The following ERC2 variants were observed in gnomAD, a reference collection of about 807,000 sequenced individuals.
The protein encoded by ERC2 is ELKS/RAB6-interacting/CAST family member 2, also known as ERC protein 2.
Under a neutral mutation model 114.8 loss-of-function variants are expected in ERC2, and 42 were observed. That is an observed-to-expected ratio of 0.37 (90% confidence interval 0.29 to 0.47). ERC2 has a LOEUF of 0.47. ERC2 is among the 20% of genes least tolerant of loss of function. ERC2 has a pLI of 0.99. For missense variants in ERC2, 939 were observed against 1,150.7 expected (o/e 0.82, Z 2.66); for synonymous variants, 454 against 425.5 (o/e 1.07, Z -0.82).
rs149558985 is a variant in ERC2, at chr3:56,393,558, G to A, written c.657+40793C>T. Among the ~76,000 whole-genome samples the A allele has an allele frequency of 9.9e-5, 15 of 152,156 alleles. No homozygotes were observed. In the East Asian group the frequency reaches 2.3e-3, roughly 24 times the overall value. ...ATTGTAATTCATTGTTTGTGTAGCT[G>A]TCTATTTAGGAACTATCATGCTAGA... On this transcript the variant is annotated intron_variant, in intron 2 of 17. Transcript: ENST00000288221.
intron 17 of ERC2, among the ~76,000 whole-genome samples, chr3:55,641,742 T>C (rs933125486): frequency 1.3e-5 from 2 of 152,066 alleles, no homozygotes; most frequent in Non-Finnish European, 1.5e-5. Flanking sequence ...TCTACTGTTT[T>C]GGTTATCATG....
At chr3:55,785,674 G>A (rs552161796) in intron 14 of ERC2, among the ~76,000 whole-genome samples, 20 of 152,276 alleles carry the variant, frequency 1.3e-4, no homozygotes, top group Admixed American at 9.8e-4. Flanking sequence ...CATGCTGCCC[G>A]GAAGTGCCTT....
chr3:56,266,721 C>A (rs1420879457), intron 3 of ERC2, among the ~76,000 whole-genome samples: 3 of 152,108 alleles, frequency 2.0e-5, no homozygotes, highest in East Asian at 1.9e-4. Flanking sequence ...CACAGCAAGA[C>A]CTTGTCTGTG....
intron 6 of ERC2, 47 bp downstream of exon 6, chr3:56,139,462 A>G (rs572190063): frequency 3.2e-6 from 5 of 1,565,856 alleles, no homozygotes; most frequent in Non-Finnish European, 4.3e-6. Context: ...GGCAATTTCT[A>G]TCAATTCAAT....
At chr3:55,663,499 A>G (rs1320611156) in intron 17 of ERC2, among the ~76,000 whole-genome samples, 1 of 152,178 alleles carries the variant, frequency 6.6e-6, no homozygotes, top group Non-Finnish European at 1.5e-5. Flanking sequence ...TTCAGCTTCA[A>G]AGAAACAGAC....
intron 14 of ERC2, among the ~76,000 whole-genome samples, chr3:55,749,758 G>C (rs866939144): frequency 5.9e-5 from 9 of 152,132 alleles, no homozygotes; most frequent in African/African-American, 2.2e-4. Flanking sequence ...CAACCCACTT[G>C]GGTCCCCTTC....
At chr3:56,446,444 T>C (rs1259507823) in intron 1 of ERC2, among the ~76,000 whole-genome samples, 1 of 151,922 alleles carries the variant, frequency 6.6e-6, no homozygotes, top group Non-Finnish European at 1.5e-5. Context: ...GGGTTGTAAC[T>C]CATGAGGAAG....
At chr3:55,525,175 T>A (rs116035987) in intron 17 of ERC2, among the ~76,000 whole-genome samples, 2,607 of 152,350 alleles carry the variant, frequency 0.017, 60 homozygotes, top group African/African-American at 0.046. Context: ...CAGAAGAATT[T>A]CCTTTAATTT....
At chr3:56,182,710 T>C (rs2083353884) in intron 3 of ERC2, among the ~76,000 whole-genome samples, 1 of 152,066 alleles carries the variant, frequency 6.6e-6, no homozygotes, top group Non-Finnish European at 1.5e-5. Flanking sequence ...CTGCTCCTAA[T>C]TGCCTCCCTA....
chr3:55,791,010 C>T (rs1355201207), intron 14 of ERC2, among the ~76,000 whole-genome samples: 1 of 152,224 alleles, frequency 6.6e-6, no homozygotes, highest in African/African-American at 2.4e-5. Context: ...TCAGCTTCCT[C>T]TTCTTGTCAA....
At chr3:55,546,187 G>A (rs1302253251) in intron 17 of ERC2, among the ~76,000 whole-genome samples, 1 of 152,166 alleles carries the variant, frequency 6.6e-6, no homozygotes, top group Admixed American at 6.5e-5. Flanking sequence ...AGGAGGCAGA[G>A]GCTCTGCTCG....
At chr3:55,571,399 G>A (rs748213278) in intron 17 of ERC2, among the ~76,000 whole-genome samples, 1 of 152,068 alleles carries the variant, frequency 6.6e-6, no homozygotes, top group African/African-American at 2.4e-5. Flanking sequence ...TCAATCCAAA[G>A]CCCCGACCCC....
At chr3:56,359,516 C>A (rs1011458535) in intron 2 of ERC2, among the ~76,000 whole-genome samples, 1 of 152,196 alleles carries the variant, frequency 6.6e-6, no homozygotes, top group Non-Finnish European at 1.5e-5. Flanking sequence ...AACCAGTGTA[C>A]AAAATAGACA....
At chr3:56,038,998 G>A (rs1016941962) in intron 7 of ERC2, among the ~76,000 whole-genome samples, 50 of 152,134 alleles carry the variant, frequency 3.3e-4, no homozygotes, top group African/African-American at 1.1e-3. Flanking sequence ...TAATACCTAG[G>A]TGATGGATTG....
At chr3:56,236,318 C>A (rs1002138634) in intron 3 of ERC2, among the ~76,000 whole-genome samples, 2 of 151,912 alleles carry the variant, frequency 1.3e-5, no homozygotes, top group East Asian at 1.9e-4. Context: ...CATATCCACT[C>A]GAAGAAAATC....
At chr3:55,936,805 T>G (rs1559898046) in intron 13 of ERC2, among the ~76,000 whole-genome samples, 1 of 152,154 alleles carries the variant, frequency 6.6e-6, no homozygotes, top group African/African-American at 2.4e-5. Context: ...CCCTCACCAG[T>G]GTAAATGCTG....
At position 56,173,532 on chromosome 3, in the gene ERC2, C is replaced by A; in HGVS notation, c.1075-12G>T. The A allele has an allele frequency of 6.2e-7, 1 of 1,613,456 alleles. No individual in the cohort carries two copies. The highest frequency in any genetic ancestry group is 8.5e-7 in the Non-Finnish European group (1 of 1,179,496). On this transcript the variant is annotated splice_polypyrimidine_tract_variant and intron_variant, in intron 3 of 17. Coordinates refer to ENST00000288221, the MANE Select transcript of ERC2 (RefSeq NM_015576.3). The stretch of plus-strand genomic sequence containing the variant: ...CTTCGGTGCAATTCCTGGGGAGGAA[C>A]ACGATAGAAATAAGCCTGACGGTTC...
chr3:55,999,102 C>G (rs992458889), intron 10 of ERC2, among the ~76,000 whole-genome samples: 5 of 152,090 alleles, frequency 3.3e-5, no homozygotes, highest in Non-Finnish European at 7.4e-5. Flanking sequence ...CATACAATGA[C>G]CACAAGGGCT....
chr3:56,097,425 C>A (rs2078122030), intron 6 of ERC2, among the ~76,000 whole-genome samples: 1 of 152,050 alleles, frequency 6.6e-6, no homozygotes, highest in Non-Finnish European at 1.5e-5. Context: ...TATCACAGCA[C>A]TTATAGCAGT....
Sources: gnomAD v4.1 joint callset for allele counts (sites outside exome capture counted in the v4.1 genomes callset) on GRCh38, gnomAD v4.1.1 for gene constraint, MANE v1.5 for transcripts, NCBI Gene and HGNC (gene_info 2026-07-23, HGNC 2026-07-21) for gene names.